Variants in DENND5A observed in about 807,000 individuals in gnomAD.
DENND5A encodes the protein DENN domain containing 5A, also known as DENN domain-containing protein 5A.
DENND5A carries 64 observed loss-of-function variants against 140.3 expected under a neutral mutation model. The observed-to-expected ratio is 0.46, with a 90% CI of 0.37 to 0.56. DENND5A has a LOEUF of 0.56. DENND5A is among the 20% of genes least tolerant of loss of function. The pLI is 0.00. For missense variants in DENND5A, 1,292 were observed against 1,593.8 expected (o/e 0.81, Z 3.22); for synonymous variants, 605 against 607.7 (o/e 1.00, Z 0.07).
chr11:9,187,305 C>A (rs1848949960), intron 5 of DENND5A, among the ~76,000 whole-genome samples: 1 of 152,142 alleles, frequency 6.6e-6, no homozygotes, highest in African/African-American at 2.4e-5. Context: ...TCTTACCTAA[C>A]AGCTTTGGGG....
intron 14 of DENND5A, 112 bp from the exon 15 acceptor site, chr11:9,150,321 T>A: frequency 7.8e-7 from 1 of 1,283,560 alleles, no homozygotes; most frequent in Non-Finnish European, 1.1e-6. Flanking sequence ...TATCTCACCC[T>A]GGGAGAGCCT....
intron 1 of DENND5A, among the ~76,000 whole-genome samples, chr11:9,237,534 A>C (rs778506212): frequency 1.2e-4 from 18 of 152,338 alleles, no homozygotes; most frequent in African/African-American, 2.9e-4. Context: ...GCAGAGGTCT[A>C]AATTGGCACA....
intron 21 of DENND5A, 108 bp downstream of exon 21, chr11:9,142,614 A>C (rs1054084512): frequency 3.6e-6 from 5 of 1,376,300 alleles, no homozygotes; most frequent in Non-Finnish European, 5.0e-6. Flanking sequence ...TCTGAGAGTC[A>C]CCTAATTTGG....
intron 4 of DENND5A, among the ~76,000 whole-genome samples, chr11:9,200,470 G>T (rs1335992831): frequency 6.6e-6 from 1 of 152,194 alleles, no homozygotes; most frequent in Non-Finnish European, 1.5e-5. Flanking sequence ...GATGCTTTTT[G>T]TTTGGCCTGC....
In DENND5A at chr11:9,152,440, C is replaced by T. The variant is rs1031768639; in HGVS notation, c.2439G>A (p.Gly813=). ...ACAGGTGGGACCATAAGGCTGATTT[C>T]CCCTGGAACCAATGCAAGGGAGAAA... ...IWSHGLQVKQ[G]KSALWSHLLH... Residue 813 remains glycine (G), a splice_region_variant and synonymous_variant, in exon 13 of 23, where the codon GGG becomes GGA. Coordinates refer to ENST00000328194, the MANE Select transcript of DENND5A (RefSeq NM_015213.4). 18 of 1,611,146 alleles carry T rather than the reference C, an allele frequency of 1.1e-5. No homozygotes were observed. Among genetic ancestry groups the T allele is most frequent in the Non-Finnish European group, 1.4e-5 (17 of 1,177,430 alleles).
rs539308778 is a variant in DENND5A at position 9,264,814 on chromosome 11, A to C, written c.109+147T>G. ...CTCATCCGTTTCCCCCCTCCAGTCC[A>C]AAGCCCCCTTCGCCCGCGCCCGCCC... is the stretch of plus-strand genomic sequence containing the variant. On this transcript the variant is annotated intron_variant, in intron 1 of 22. Coordinates refer to ENST00000328194, the MANE Select transcript of DENND5A (RefSeq NM_015213.4). The C allele has an allele frequency of 3.3e-5, 22 of 656,842 alleles. No homozygotes were observed. The South Asian group carries it at 3.9e-4, about 12-fold the overall frequency. The allele number at this position is 656,842 out of a possible 1,614,324, so 40.7% of individuals were successfully genotyped here. A position where few individuals can be genotyped will look rare whatever the true frequency, so the allele number is the denominator to read the frequency against.
rs367571436 is a variant in DENND5A, at chr11:9,150,789, C to A, written c.2522-25G>T. ...CCTAGAATAAACAAGTTGGTCATGT[C>A]CAAAGAGATCTGAATATCCAAATAG... On this transcript the variant is annotated intron_variant, in intron 13 of 22. Transcript: ENST00000328194. 201 of 1,507,276 alleles carry A rather than the reference C, an allele frequency of 1.3e-4. No individual in the cohort carries two copies. In the Middle Eastern group the frequency reaches 2.8e-3, roughly 21 times the overall value. The allele number at this position is 1,507,276 out of a possible 1,614,324, so 93.4% of individuals were successfully genotyped here. A position where few individuals can be genotyped will look rare whatever the true frequency, so the allele number is the denominator to read the frequency against.
In DENND5A at chr11:9,249,586, T is replaced by C. The variant is rs146053194; in HGVS notation, c.109+15375A>G. Among the ~76,000 whole-genome samples the C allele has an allele frequency of 3.8e-3, 579 of 152,250 alleles. 2 individuals are homozygous for C. Among genetic ancestry groups the C allele is most frequent in the African/African-American group, 0.013 (543 of 41,550 alleles). ...TTTTTGAGACAGAGTTTCGCTCTTG[T>C]TGCCCAAACTGGAGTGCAATGGCGC... is the stretch of plus-strand genomic sequence containing the variant. On this transcript the variant is annotated intron_variant, in intron 1 of 22. Transcript: ENST00000328194.
chr11:9,157,391 C>G (rs569868042), intron 12 of DENND5A, among the ~76,000 whole-genome samples: 1 of 152,122 alleles, frequency 6.6e-6, no homozygotes, highest in Non-Finnish European at 1.5e-5. Context: ...AGGTAAACTG[C>G]GTATCACAGG....
intron 5 of DENND5A, among the ~76,000 whole-genome samples, chr11:9,191,798 C>T (rs1221738835): frequency 6.6e-6 from 1 of 152,162 alleles, no homozygotes; most frequent in Non-Finnish European, 1.5e-5. Flanking sequence ...TTTGGCCTTC[C>T]ACCTTCAACA....
chr11:9,204,017 G>C lies in DENND5A; in HGVS notation c.592C>G (p.Arg198Gly), dbSNP rs373169544. 1 of 1,614,066 alleles carries C rather than the reference G, an allele frequency of 6.2e-7. No individual in the cohort carries two copies. The highest frequency in any genetic ancestry group is 2.2e-5 in the East Asian group (1 of 44,882). Residue 198 changes from arginine (R) to glycine (G), a missense_variant, in exon 4 of 23, where the codon CGG becomes GGG. Arg to Gly is a moderately radical substitution (Grantham distance 125). This residue lies in a region of DENND5A where 566 missense variants were observed against 650.4 expected (regional missense o/e 0.87). Transcript: ENST00000328194. ...CACTTAGAGACGTAGAGAGTGTCCC[G>C]GCTAATGTCATAGGAGTTGAAGCGC... The part of the protein sequence containing the change: ...LQRFNSYDIS[R>G]DTLYVSKCIC...
At chr11:9,197,589 G>A (rs560214543) in intron 4 of DENND5A, among the ~76,000 whole-genome samples, 1 of 151,678 alleles carries the variant, frequency 6.6e-6, no homozygotes, top group Non-Finnish European at 1.5e-5. Flanking sequence ...CAGCTACTTG[G>A]GGGGCTGAGG....
chr11:9,173,796 A>C (rs1208352789), intron 8 of DENND5A, among the ~76,000 whole-genome samples: 4 of 152,262 alleles, frequency 2.6e-5, no homozygotes, highest in African/African-American at 9.6e-5. Context: ...CAAAGTAGAT[A>C]AAATGAAATC....
In DENND5A at chr11:9,204,735, C is replaced by T. The variant is rs116444984; in HGVS notation, c.292-418G>A. The stretch of plus-strand genomic sequence containing the variant: ...AAAATTAACCAGGTGTGCTGGTGCA[C>T]GCCTATAATCCCAGCCACTGGGGAG... On this transcript the variant is annotated intron_variant, in intron 3 of 22. Coordinates refer to ENST00000328194, the MANE Select transcript of DENND5A (RefSeq NM_015213.4). 2.7e-3 allele frequency among the ~76,000 whole-genome samples: 410 copies of T among 152,270 alleles called. 1 individual carries two copies. The highest frequency in any genetic ancestry group is 9.6e-3 in the African/African-American group (397 of 41,570).
intron 1 of DENND5A, among the ~76,000 whole-genome samples, chr11:9,238,602 G>C (rs1851101588): frequency 1.3e-5 from 2 of 151,780 alleles, no homozygotes; most frequent in South Asian, 2.1e-4. Flanking sequence ...ATTTTTAGTA[G>C]ATGGGGTTTC....
intron 1 of DENND5A, chr11:9,245,565 T>C (rs1230220205): frequency 6.7e-6 from 1 of 148,200 alleles, no homozygotes; most frequent in East Asian, 2.1e-4. Context: ...CACTCCACCC[T>C]GGGCTACAGA....
chr11:9,262,376 T>TA (rs1007546735), intron 1 of DENND5A, among the ~76,000 whole-genome samples: 2 of 152,132 alleles, frequency 1.3e-5, no homozygotes, highest in African/African-American at 2.4e-5. Flanking sequence ...AAAACACGCA[T>TA]AAAAAAAAGT....
At chr11:9,257,399 C>A (rs1231383431) in intron 1 of DENND5A, among the ~76,000 whole-genome samples, 2 of 149,066 alleles carry the variant, frequency 1.3e-5, no homozygotes, top group African/African-American at 4.9e-5. Flanking sequence ...CCACTGCACT[C>A]CAGCCTGGGC....
rs767978263 is a variant in DENND5A at position 9,204,239 on chromosome 11, T to G, written c.370A>C (p.Arg124=). The part of the protein sequence containing the change: ...EPQFHAFIIT[R]EDGSRTFGFA... ...CCAAATGTCCGAGAGCCATCCTCCC[T>G]TGTGATAATAAAGGCATGGAATTGG... is the stretch of plus-strand genomic sequence containing the variant. The change falls in exon 4 of 23, where the codon AGG becomes CGG. Residue 124 remains arginine (R), a synonymous_variant. Coordinates refer to ENST00000328194, the MANE Select transcript of DENND5A (RefSeq NM_015213.4). The G allele has an allele frequency of 2.9e-5, 47 of 1,613,934 alleles. No individual in the cohort carries two copies. The highest frequency in any genetic ancestry group is 3.5e-5 in the Non-Finnish European group (41 of 1,180,014).
Sources: gnomAD v4.1 joint callset for allele counts (sites outside exome capture counted in the v4.1 genomes callset) on GRCh38, gnomAD v4.1.1 for gene constraint, gnomAD v4.1.1 regional missense constraint, MANE v1.5 for transcripts, NCBI Gene and HGNC (gene_info 2026-07-23, HGNC 2026-07-21) for gene names.